Variants in KCNK12 observed in about 807,000 individuals in gnomAD.
KCNK12 encodes potassium channel subfamily K member 12.
KCNK12 carries 6 observed loss-of-function variants against 25.3 expected under a neutral mutation model. That is an observed-to-expected ratio of 0.24 (90% confidence interval 0.13 to 0.47). The LOEUF is 0.47. Ranked by LOEUF, KCNK12 falls within the 20% of genes least tolerant of loss-of-function variation. The probability of loss-of-function intolerance (pLI) is 0.99; values close to 1 mark genes in which losing one functional copy is unlikely to be tolerated. For synonymous variants in KCNK12, 331 were observed against 311.1 expected, an observed-to-expected ratio of 1.06 and a Z score of -0.67; for missense variants, 444 against 661.7, an observed-to-expected ratio of 0.67 and a Z score of 3.61.
chr2:47,541,070 C>A (rs1367907557), intron 1 of KCNK12, among the ~76,000 whole-genome samples: 1 of 152,194 alleles, frequency 6.6e-6, no homozygotes, highest in Admixed American at 6.5e-5. Context: ...TGCCCTATTG[C>A]CCAGTTTGAG....
intron 1 of KCNK12, among the ~76,000 whole-genome samples, chr2:47,536,114 G>C (rs1669062133): frequency 6.6e-6 from 1 of 152,132 alleles, no homozygotes; most frequent in African/African-American, 2.4e-5. Flanking sequence ...TGTCCCAGTT[G>C]GTGGTATTGA....
At chr2:47,559,039 A>C (rs1444587881) in intron 1 of KCNK12, among the ~76,000 whole-genome samples, 2 of 152,254 alleles carry the variant, frequency 1.3e-5, no homozygotes, top group Non-Finnish European at 2.9e-5. Flanking sequence ...AGGAAATCTG[A>C]GTCAGTGGGA....
intron 1 of KCNK12, among the ~76,000 whole-genome samples, 172 bp from the exon 2 acceptor site, chr2:47,521,980 C>T (rs1310909620): frequency 2.6e-5 from 4 of 152,222 alleles, no homozygotes; most frequent in East Asian, 1.9e-4. Flanking sequence ...CCCTTGGTGG[C>T]ACTTAATAGG....
chr2:47,510,866 G>C lies in KCNK12; in HGVS notation c.*10041C>G, dbSNP rs1668386157. 2 of 152,304 alleles carry C rather than the reference G, an allele frequency of 1.3e-5. No individual in the cohort carries two copies. The highest frequency in any genetic ancestry group is 4.1e-4 in the South Asian group (2 of 4,826). 9.4% of individuals were successfully genotyped at this position (152,304 alleles called of 1,614,324 possible). A position where few individuals can be genotyped will look rare whatever the true frequency, so the allele number is the denominator to read the frequency against. On this transcript the variant is annotated 3_prime_UTR_variant, in exon 2 of 2. Transcript: ENST00000327876. ...ATGAAGGGCCGGAGAAGTACAGCTG[G>C]GTGAAGCACAGAGCAGCCTAGTGCT...
Position 47,516,808 on chromosome 2 carries a change from C to T in KCNK12, c.*4099G>A, listed in dbSNP as rs545362510. The stretch of plus-strand genomic sequence containing the variant: ...GAGGGTTTGGGGCCAGGTCCGAGTG[C>T]AGAAATCCTCAATGCATGAGACTAG... On this transcript the variant is annotated 3_prime_UTR_variant, in exon 2 of 2. Transcript: ENST00000327876. 4 of 152,294 alleles carry T rather than the reference C, an allele frequency of 2.6e-5. No individual in the cohort carries two copies. Among genetic ancestry groups the T allele is most frequent in the African/African-American group, 9.6e-5 (4 of 41,546 alleles). The allele number at this position is 152,294 out of a possible 1,614,324, so 9.4% of individuals were successfully genotyped here.
chr2:47,542,514 C>T (rs969890960), intron 1 of KCNK12, among the ~76,000 whole-genome samples: 2 of 152,176 alleles, frequency 1.3e-5, no homozygotes, highest in African/African-American at 2.4e-5. Context: ...CTTCTTGCTC[C>T]CTTTCATGGG....
Position 47,533,221 on chromosome 2 carries a change from G to C in KCNK12, c.392-11413C>G, listed in dbSNP as rs1668974690. On this transcript the variant is annotated intron_variant, in intron 1 of 1. Transcript: ENST00000327876. The surrounding 1 kb of genome is among the most constrained non-coding windows in gnomAD (Gnocchi z 4.7). ...AGACGGGGTTTTACCATGTTGGCCA[G>C]GCTGGTCTCCAACTCCTGACCTCAG... Among the ~76,000 whole-genome samples the C allele has an allele frequency of 1.1e-5, 1 of 93,144 alleles. No homozygotes were observed. The allele number at this position is 93,144 out of a possible 152,430, so 61.1% of individuals were successfully genotyped here. A position where few individuals can be genotyped will look rare whatever the true frequency, so the allele number is the denominator to read the frequency against.
At chr2:47,539,722 A>T (rs1381288144) in intron 1 of KCNK12, among the ~76,000 whole-genome samples, 2 of 152,216 alleles carry the variant, frequency 1.3e-5, no homozygotes, top group Non-Finnish European at 2.9e-5. Context: ...TGCGGACGCC[A>T]GACTGCGAAG....
Position 47,525,792 on chromosome 2 carries a change from T to A in KCNK12, c.392-3984A>T, listed in dbSNP as rs1045358085. On this transcript the variant is annotated intron_variant, in intron 1 of 1. Transcript: ENST00000327876. This position sits in a 1 kb window ranked among gnomAD's most constrained non-coding sequence, Gnocchi z 4.1. ...GAGAGGGCAGTGCCCACTCAGGGAA[T>A]GGGGCAGGGAGTGGTCCCTGTGCAG... 2.6e-5 allele frequency among the ~76,000 whole-genome samples: 4 copies of A among 152,102 alleles called. No individual in the cohort carries two copies. Among genetic ancestry groups the A allele is most frequent in the Non-Finnish European group, 4.4e-5 (3 of 67,998 alleles).
chr2:47,569,994 C>A lies in KCNK12; in HGVS notation c.338G>T (p.Arg113Leu). 2 of 1,432,402 alleles carry A rather than the reference C, an allele frequency of 1.4e-6. No individual in the cohort carries two copies. The highest frequency in any genetic ancestry group is 3.1e-5 in the Admixed American group (1 of 31,912). The allele number at this position is 1,432,402 out of a possible 1,614,324, so 88.7% of individuals were successfully genotyped here. A position where few individuals can be genotyped will look rare whatever the true frequency, so the allele number is the denominator to read the frequency against. Residue 113 changes from arginine to leucine, a missense_variant, in exon 1 of 2, where the codon CGC becomes CTC. Transcript: ENST00000327876. This position sits in a 1 kb window ranked among gnomAD's most constrained non-coding sequence, Gnocchi z 4.1. ...AGVRADALRP[R>L]WDFPGAFYFV... Reference sequence around the variant, plus strand: ...GTAGAAGGCGCCGGGGAAGTCCCAGCGCGGGCGCAGCGCGTCGGCGCGGAC... The same window carrying A: ...GTAGAAGGCGCCGGGGAAGTCCCAGAGCGGGCGCAGCGCGTCGGCGCGGAC...
At chr2:47,546,307 G>A (rs1572599503) in intron 1 of KCNK12, among the ~76,000 whole-genome samples, 1 of 152,340 alleles carries the variant, frequency 6.6e-6, no homozygotes, top group East Asian at 1.9e-4. Context: ...GCACTTAAAA[G>A]TGCTACTGAA....
In KCNK12 at chr2:47,570,836, G is replaced by GGTGCGGGCT. The variant is rs1669897036; in HGVS notation, c.-514_-506dup. On this transcript the variant is annotated 5_prime_UTR_variant, in exon 1 of 2. Coordinates refer to ENST00000327876, the MANE Select transcript of KCNK12 (RefSeq NM_022055.2). ...AGGCGTTCGGGATCGGCGCCTCCTA[G>GGTGCGGGCT]GTGCGGGCTGTGCGGGCAGTCCTGC... 5 of 152,400 alleles carry GGTGCGGGCT rather than the reference G, an allele frequency of 3.3e-5. No individual in the cohort carries two copies. In the South Asian group the frequency reaches 8.3e-4, roughly 25 times the overall value. 9.4% of individuals were successfully genotyped at this position (152,400 alleles called of 1,614,324 possible). A position where few individuals can be genotyped will look rare whatever the true frequency, so the allele number is the denominator to read the frequency against.
intron 1 of KCNK12, among the ~76,000 whole-genome samples, chr2:47,535,948 A>G (rs924589524): frequency 6.6e-6 from 1 of 152,164 alleles, no homozygotes; most frequent in Non-Finnish European, 1.5e-5. Flanking sequence ...AGAAAATGGC[A>G]CAACCGGGAT....
intron 1 of KCNK12, among the ~76,000 whole-genome samples, chr2:47,532,152 A>G (rs1268653618): frequency 2.0e-5 from 3 of 152,144 alleles, no homozygotes; most frequent in Admixed American, 6.6e-5. Context: ...AGCTTTAAAC[A>G]AAACAGACAA....
At chr2:47,553,142 G>A (rs552481972) in intron 1 of KCNK12, among the ~76,000 whole-genome samples, 1 of 152,204 alleles carries the variant, frequency 6.6e-6, no homozygotes, top group African/African-American at 2.4e-5. Context: ...GACCCTGTGA[G>A]GTAGACCTCA....
At chr2:47,522,716 T>C (rs1293728314) in intron 1 of KCNK12, among the ~76,000 whole-genome samples, 1 of 152,246 alleles carries the variant, frequency 6.6e-6, no homozygotes, top group African/African-American at 2.4e-5. Flanking sequence ...GCCTCTGGAA[T>C]TGGGCCTAAG....
Position 47,517,018 on chromosome 2 carries a change from A to G in KCNK12, c.*3889T>C, listed in dbSNP as rs1329991102. 1 of 151,406 alleles carries G rather than the reference A, an allele frequency of 6.6e-6. No individual in the cohort carries two copies. Among genetic ancestry groups the G allele is most frequent in the Non-Finnish European group, 1.5e-5 (1 of 67,802 alleles). 9.4% of individuals were successfully genotyped at this position (151,406 alleles called of 1,614,324 possible). On this transcript the variant is annotated 3_prime_UTR_variant, in exon 2 of 2. Coordinates refer to ENST00000327876, the MANE Select transcript of KCNK12 (RefSeq NM_022055.2). The surrounding 1 kb of genome is among the most constrained non-coding windows in gnomAD (Gnocchi z 4.1). ...AGGAGCCTTGAGTCACCACCAGCAC[A>G]TTATACAACAATACAAGAACCCTGC...
rs905573570 is a variant in KCNK12, at chr2:47,510,224, A to T, written c.*10683T>A. ...CTGGCACCTGGGGTGGCAAGCCAAC[A>T]TGGAAAGGATGGCAGAGCGGGAAGG... is the stretch of plus-strand genomic sequence containing the variant. On this transcript the variant is annotated 3_prime_UTR_variant, in exon 2 of 2. Transcript: ENST00000327876. The T allele has an allele frequency of 3.9e-5, 6 of 152,180 alleles. No individual in the cohort carries two copies. Among genetic ancestry groups the T allele is most frequent in the African/African-American group, 1.4e-4 (6 of 41,434 alleles). 9.4% of individuals were successfully genotyped at this position (152,180 alleles called of 1,614,324 possible). A position where few individuals can be genotyped will look rare whatever the true frequency, so the allele number is the denominator to read the frequency against.
At chr2:47,567,706 C>A (rs1200100714) in intron 1 of KCNK12, among the ~76,000 whole-genome samples, 1 of 152,190 alleles carries the variant, frequency 6.6e-6, no homozygotes, top group Non-Finnish European at 1.5e-5. Context: ...TTAAATGTTT[C>A]CCCGCAGATT....
Sources: gnomAD v4.1 joint callset for allele counts (sites outside exome capture counted in the v4.1 genomes callset) on GRCh38, gnomAD v4.1.1 for gene constraint, Gnocchi (gnomAD v3.1) non-coding constraint, MANE v1.5 for transcripts, NCBI Gene and HGNC (gene_info 2026-07-23, HGNC 2026-07-21) for gene names.